The following UBE4B variants were observed in gnomAD, a reference collection of about 807,000 sequenced individuals.
UBE4B encodes ubiquitination factor E4B.
A neutral mutation model predicts 148.1 loss-of-function variants in UBE4B; 27 were observed. The observed-to-expected ratio is 0.18, with a 90% CI of 0.13 to 0.25. UBE4B has a LOEUF of 0.25. Ranked by LOEUF, UBE4B falls within the 10% of genes least tolerant of loss-of-function variation. The pLI, the probability that UBE4B is intolerant of heterozygous loss-of-function variation, is 1.00. For synonymous variants in UBE4B, 596 were observed against 619.3 expected, an observed-to-expected ratio of 0.96 and a Z score of 0.56; for missense variants, 1,170 against 1,662.4, an observed-to-expected ratio of 0.70 and a Z score of 5.15.
intron 7 of UBE4B, among the ~76,000 whole-genome samples, chr1:10,113,543 C>G (rs890383454): frequency 1.3e-5 from 2 of 152,214 alleles, no homozygotes; most frequent in Non-Finnish European, 2.9e-5. Flanking sequence ...TGTCACTTTT[C>G]ATGTGTGAGT....
chr1:10,130,622 T>C lies in UBE4B; in HGVS notation c.1812+6T>C. 1.2e-6 allele frequency: 2 copies of C among 1,613,758 alleles called. No individual in the cohort carries two copies. The highest frequency in any genetic ancestry group is 8.5e-7 in the Non-Finnish European group (1 of 1,179,622). ...CAGTCTTTGCAGAAGATGATGTAAG[T>C]ATAGTGGCTACTTGTACTTTGCTGC... On this transcript the variant is annotated splice_donor_region_variant and intron_variant, in intron 13 of 27. Coordinates refer to ENST00000343090, the MANE Select transcript of UBE4B (RefSeq NM_001105562.3).
chr1:10,103,981 C>T (rs761142115), intron 5 of UBE4B, among the ~76,000 whole-genome samples: 2 of 151,896 alleles, frequency 1.3e-5, no homozygotes, highest in Non-Finnish European at 2.9e-5. Flanking sequence ...AGGATGGTCT[C>T]GATCTCTTGA....
rs1168966105 is a variant in UBE4B, at chr1:10,072,227, T to G, written c.211+13T>G. On this transcript the variant is annotated intron_variant, in intron 2 of 27. Coordinates refer to ENST00000343090, the MANE Select transcript of UBE4B (RefSeq NM_001105562.3). ...ATAGGTGCATCAGGTAAGCCCAAGC[T>G]TCATACCTGGGACTCTTTTGTAATT... 9.3e-6 allele frequency: 15 copies of G among 1,605,214 alleles called. No individual in the cohort carries two copies. The African/African-American group carries it at 9.4e-5, about 10-fold the overall frequency.
intron 1 of UBE4B, among the ~76,000 whole-genome samples, chr1:10,035,062 G>C (rs1161129890): frequency 6.7e-6 from 1 of 148,338 alleles, no homozygotes; most frequent in Admixed American, 6.7e-5. Flanking sequence ...GCAGTGGCGC[G>C]ATCTCGTCTC....
Position 10,137,203 on chromosome 1 carries a change from T to C in UBE4B, c.2361T>C (p.Asn787=). The change falls in exon 17 of 28, where the codon AAT becomes AAC. Residue 787 remains asparagine (N), a splice_region_variant and synonymous_variant. Coordinates refer to ENST00000343090, the MANE Select transcript of UBE4B (RefSeq NM_001105562.3). ...GACTCCGGGCTATCCGGGAGCTCAA[T>C]AGGTATGTGCCATGATACCGTGTCC... ...IRRLRAIREL[N]RTVEDLKNNE... The C allele has an allele frequency of 6.2e-7, 1 of 1,614,062 alleles. No individual in the cohort carries two copies. Among genetic ancestry groups the C allele is most frequent in the Non-Finnish European group, 8.5e-7 (1 of 1,179,978 alleles).
chr1:10,065,483 T>C (rs1247839649), intron 1 of UBE4B, among the ~76,000 whole-genome samples: 1 of 152,194 alleles, frequency 6.6e-6, no homozygotes, highest in Non-Finnish European at 1.5e-5. Context: ...GAAGGTTCTA[T>C]TTCCCCACGC....
chr1:10,099,518 T>G (rs767633585), intron 3 of UBE4B, among the ~76,000 whole-genome samples: 30 of 152,158 alleles, frequency 2.0e-4, no homozygotes, highest in Non-Finnish European at 3.7e-4. Context: ...TGGAGAGTAA[T>G]GAAAACTCAG....
intron 17 of UBE4B, among the ~76,000 whole-genome samples, chr1:10,137,683 A>G (rs530070658): frequency 3.4e-4 from 52 of 152,216 alleles, no homozygotes; most frequent in Non-Finnish European, 6.2e-4. Flanking sequence ...AGCAGCCTCA[A>G]ATTTCCAATT....
Position 10,101,599 on chromosome 1 carries a change from C to T in UBE4B, c.435+404C>T, listed in dbSNP as rs1645013951. Reference sequence around the variant, plus strand: ...TCTCGGCTCACTGCAAGCTCCGCCTCCCAGGTTCACACCATTCTCCTGCCT... The same window carrying T: ...TCTCGGCTCACTGCAAGCTCCGCCTTCCAGGTTCACACCATTCTCCTGCCT... On this transcript the variant is annotated intron_variant, in intron 4 of 27. Transcript: ENST00000343090. Among the ~76,000 whole-genome samples the T allele has an allele frequency of 1.3e-5, 2 of 149,798 alleles. 1 individual carries two copies. Among genetic ancestry groups the T allele is most frequent in the East Asian group, 4.0e-4 (2 of 5,036 alleles).
rs553012954 is a variant in UBE4B, at chr1:10,109,299, C to T, written c.1196+2716C>T. Among the ~76,000 whole-genome samples, 8 of 152,252 alleles carry T rather than the reference C, an allele frequency of 5.3e-5. No individual in the cohort carries two copies. In the East Asian group the frequency reaches 9.6e-4, roughly 18 times the overall value. ...TCCAGACTCATGTTCACCACCGCAC[C>T]GTGCTGCCACCCACTTTTCCATTTC... On this transcript the variant is annotated intron_variant, in intron 7 of 27. Transcript: ENST00000343090.
intron 1 of UBE4B, among the ~76,000 whole-genome samples, chr1:10,042,143 G>A (rs952868166): frequency 6.6e-6 from 1 of 152,200 alleles, no homozygotes; most frequent in Non-Finnish European, 1.5e-5. Flanking sequence ...TGAGAGTGGA[G>A]CTCATCAAGT....
At chr1:10,171,836 G>T (rs1295639107) in intron 25 of UBE4B, among the ~76,000 whole-genome samples, 2 of 152,112 alleles carry the variant, frequency 1.3e-5, no homozygotes, top group Non-Finnish European at 2.9e-5. Context: ...AGCTGAGATT[G>T]TGCCACTGCA....
chr1:10,105,476 A>G, intron 5 of UBE4B, 40 bp from the exon 6 acceptor site: 1 of 1,593,342 alleles, frequency 6.3e-7, no homozygotes, highest in Middle Eastern at 1.7e-4. Context: ...CCTGTGTTCG[A>G]ACTGTGTGTA....
At position 10,036,570 on chromosome 1, in the gene UBE4B, A is replaced by G. The variant is rs374970708; in HGVS notation, c.24+2876A>G. 6.0e-4 allele frequency among the ~76,000 whole-genome samples: 91 copies of G among 152,062 alleles called. No homozygotes were observed. In the Middle Eastern group the frequency reaches 0.014, roughly 23 times the overall value. On this transcript the variant is annotated intron_variant, in intron 1 of 27. Transcript: ENST00000343090. ...GGATGGTCTCAAACTCCTGACCTCAAGCGATCCTCCCACTTCAGCCTCCCA... is the reference window on the plus strand; with the variant it reads ...GGATGGTCTCAAACTCCTGACCTCAGGCGATCCTCCCACTTCAGCCTCCCA...
chr1:10,106,144 T>C lies in UBE4B; in HGVS notation c.810-53T>C, dbSNP rs929218249. 3.3e-6 allele frequency: 5 copies of C among 1,515,416 alleles called. No homozygotes were observed. In the Admixed American group the frequency reaches 1.1e-4, roughly 34 times the overall value. The allele number at this position is 1,515,416 out of a possible 1,614,324, so 93.9% of individuals were successfully genotyped here. The stretch of plus-strand genomic sequence containing the variant: ...ATATTTTCTGTTTTAGTTAGTTATC[T>C]CAAGTTTTTCTTTGATTTTTCTCTT... On this transcript the variant is annotated intron_variant, in intron 6 of 27. Coordinates refer to ENST00000343090, the MANE Select transcript of UBE4B (RefSeq NM_001105562.3). This position sits in a 1 kb window ranked among gnomAD's most constrained non-coding sequence, Gnocchi z 4.2.
At chr1:10,089,379 A>G (rs1644812545) in intron 2 of UBE4B, among the ~76,000 whole-genome samples, 1 of 152,142 alleles carries the variant, frequency 6.6e-6, no homozygotes, top group African/African-American at 2.4e-5. Flanking sequence ...GAATATGTTT[A>G]TTATAATCAG....
At chr1:10,060,263 G>A (rs1370289267) in intron 1 of UBE4B, among the ~76,000 whole-genome samples, 5 of 152,260 alleles carry the variant, frequency 3.3e-5, no homozygotes, top group Middle Eastern at 6.8e-3. Context: ...TATTCCACAC[G>A]TAGGCTCTAT....
At chr1:10,068,620 G>A (rs906432756) in intron 1 of UBE4B, among the ~76,000 whole-genome samples, 2 of 151,828 alleles carry the variant, frequency 1.3e-5, no homozygotes, top group Non-Finnish European at 2.9e-5. Context: ...CAAAGTGCTG[G>A]GATTACAGGC....
intron 23 of UBE4B, chr1:10,166,200 G>C (rs1646243463): frequency 6.6e-6 from 1 of 152,212 alleles, no homozygotes; most frequent in Non-Finnish European, 1.5e-5. Flanking sequence ...ACAGATGTAA[G>C]AATTGAGGCT....
Sources: allele counts gnomAD v4.1 joint callset (sites outside exome capture counted in the v4.1 genomes callset), GRCh38; gene constraint gnomAD v4.1.1; non-coding constraint Gnocchi (gnomAD v3.1); transcripts MANE v1.5; gene names NCBI Gene and HGNC (gene_info 2026-07-23, HGNC 2026-07-21).